The following EDNRB variants were observed in gnomAD, a reference collection of about 807,000 sequenced individuals.
The protein encoded by EDNRB is Hirschsprung disease 2.
EDNRB carries 18 observed loss-of-function variants against 46.4 expected under a neutral mutation model. The observed-to-expected ratio is 0.39, with a 90% CI of 0.27 to 0.57. The LOEUF is 0.57. Among genes scored for constraint, EDNRB ranks in the 20% least tolerant of loss-of-function variants. The probability of loss-of-function intolerance (pLI) is 0.61; values close to 1 mark genes in which losing one functional copy is unlikely to be tolerated. For missense variants in EDNRB, 434 were observed against 537.5 expected, an observed-to-expected ratio of 0.81 and a Z score of 1.90; for synonymous variants, 213 against 204.9, an observed-to-expected ratio of 1.04 and a Z score of -0.34.
chr13:77,924,042 A>T (rs539685945), upstream of EDNRB, among the ~76,000 whole-genome samples: 2 of 152,346 alleles, frequency 1.3e-5, no homozygotes, highest in East Asian at 1.9e-4. Context: ...AGGGGAATAG[A>T]ACTATTTGTA....
At chr13:77,955,689 T>A (rs536312122) in intron 1 of EDNRB, among the ~76,000 whole-genome samples, 24 of 152,304 alleles carry the variant, frequency 1.6e-4, no homozygotes, top group African/African-American at 5.8e-4. Flanking sequence ...CTTTTGCTTG[T>A]AAATAACCAG....
intron 1 of EDNRB, among the ~76,000 whole-genome samples, chr13:77,943,779 T>C (rs1223388480): frequency 6.6e-6 from 1 of 152,116 alleles, no homozygotes; most frequent in African/African-American, 2.4e-5. Context: ...ACTTCAGCAA[T>C]CAGAAATATA....
chr13:77,944,696 A>G (rs1880853445), intron 1 of EDNRB: 3 of 152,152 alleles, frequency 2.0e-5, no homozygotes, highest in Admixed American at 1.3e-4. Flanking sequence ...AAAAAAATGA[A>G]CAGGATTTCT....
At chr13:77,919,574 G>T, upstream of EDNRB, 1 of 1,611,980 alleles carries the variant, frequency 6.2e-7, no homozygotes. Flanking sequence ...TCCACCGTTT[G>T]CTCGGGGTCT....
rs1180581930 is a variant in EDNRB, at chr13:77,918,246, G to C, written c.328C>G (p.Leu110Val). The C allele has an allele frequency of 6.2e-7, 1 of 1,613,994 alleles. No homozygotes were observed. Among genetic ancestry groups the C allele is most frequent in the Non-Finnish European group, 8.5e-7 (1 of 1,180,040 alleles). Residue 110 changes from leucine to valine, a missense_variant, in exon 1 of 7, where the codon CTT becomes GTT. By Grantham distance (32) the Leu-to-Val change is conservative (BLOSUM62 1). Coordinates refer to ENST00000646607, the MANE Select transcript of EDNRB (RefSeq NM_001122659.3). This position sits in a 1 kb window ranked among gnomAD's most constrained non-coding sequence, Gnocchi z 4.5. ...CCGATGATCCCCAGCACGAACACAA[G>C]GCAGGACACAACCGTGTTGATGTAT... ...FKYINTVVSC[L>V]VFVLGIIGNS... is the part of the protein sequence containing the mutation.
At chr13:77,924,357 A>T (rs1004016706), upstream of EDNRB, among the ~76,000 whole-genome samples, 5 of 152,298 alleles carry the variant, frequency 3.3e-5, no homozygotes, top group African/African-American at 1.2e-4. Flanking sequence ...TTACTCACAG[A>T]ATCTCATGGG....
intron 1 of EDNRB, among the ~76,000 whole-genome samples, chr13:77,909,186 T>C (rs2137624363): frequency 6.6e-6 from 1 of 152,182 alleles, no homozygotes; most frequent in African/African-American, 2.4e-5. Flanking sequence ...ACCGTGATTT[T>C]ATAACTTTAC....
At chr13:77,908,043 A>AAAAAAAAAGAGAG (rs4052535) in intron 1 of EDNRB, among the ~76,000 whole-genome samples, 1 of 72,448 alleles carries the variant, frequency 1.4e-5, no homozygotes, top group African/African-American at 6.0e-5. Context: ...AAAAAAAAAA[A>AAAAAAAAAGAGAG]AGAGAGAGAG....
In EDNRB at chr13:77,897,782, G is replaced by A. The variant is rs1478596002; in HGVS notation, c.*418C>T. ...TAAAATTTTAAATTGAGTAATTTAA[G>A]CTTCATTTAAAAGTTCTGTTTTACA... On this transcript the variant is annotated 3_prime_UTR_variant, in exon 7 of 7. Transcript: ENST00000646607. 1.0e-6 allele frequency: 1 copy of A among 986,332 alleles called. No individual in the cohort carries two copies. Among genetic ancestry groups the A allele is most frequent in the Non-Finnish European group, 1.2e-6 (1 of 828,700 alleles). The allele number at this position is 986,332 out of a possible 1,614,324, so 61.1% of individuals were successfully genotyped here. A position where few individuals can be genotyped will look rare whatever the true frequency, so the allele number is the denominator to read the frequency against.
At position 77,901,138 on chromosome 13, in the gene EDNRB, A is replaced by G. The variant is rs1280369607; in HGVS notation, c.871T>C (p.Phe291Leu). The change falls in exon 4 of 7, where the codon TTT (phenylalanine) becomes CTT (leucine). Residue 291 changes from phenylalanine to leucine, a missense_variant. By Grantham distance (22) the Phe-to-Leu change is conservative. Transcript: ENST00000646607. ...TCACAGGTCATTAGTGTATAAAAAA[A>G]TGCAGTGATGGCCAATGGCAAGCAG... ...YFCLPLAITA[F>L]FYTLMTCEML... 2 of 1,611,622 alleles carry G rather than the reference A, an allele frequency of 1.2e-6. No homozygotes were observed. The highest frequency in any genetic ancestry group is 4.5e-5 in the East Asian group (2 of 44,700).
rs200041330 is a variant in EDNRB, at chr13:77,898,044, T to C, written c.*156A>G. On this transcript the variant is annotated 3_prime_UTR_variant, in exon 7 of 7. Transcript: ENST00000646607. ...GCCGTAAACAGCTCATAAAATGTCA[T>C]ATGTAGCTGTGAGTGTTAAAATAAT... The C allele has an allele frequency of 2.9e-5, 41 of 1,438,526 alleles. No homozygotes were observed. The highest frequency in any genetic ancestry group is 3.6e-5 in the Non-Finnish European group (40 of 1,098,928). The allele number at this position is 1,438,526 out of a possible 1,614,324, so 89.1% of individuals were successfully genotyped here.
chr13:77,974,464 T>G (rs1429729447), intron 1 of EDNRB, among the ~76,000 whole-genome samples: 2 of 152,194 alleles, frequency 1.3e-5, no homozygotes, highest in Non-Finnish European at 2.9e-5. Flanking sequence ...CAAAGTAGTA[T>G]TGGAGTGTTA....
intron 1 of EDNRB, among the ~76,000 whole-genome samples, chr13:77,963,612 A>C (rs2137687523): frequency 6.6e-6 from 1 of 152,302 alleles, no homozygotes; most frequent in Non-Finnish European, 1.5e-5. Context: ...CTTATACAAA[A>C]ATTAATTCAA....
chr13:77,897,371 G>T lies in EDNRB; in HGVS notation c.*829C>A, dbSNP rs1003141954. The T allele has an allele frequency of 1.0e-6, 1 of 985,070 alleles. No individual in the cohort carries two copies. Among genetic ancestry groups the T allele is most frequent in the Admixed American group, 6.2e-5 (1 of 16,232 alleles). 61.0% of individuals were successfully genotyped at this position (985,070 alleles called of 1,614,324 possible). On this transcript the variant is annotated 3_prime_UTR_variant, in exon 7 of 7. Transcript: ENST00000646607. The stretch of plus-strand genomic sequence containing the variant: ...TATTGTCTTCACAGGGTATGTGAAT[G>T]ACAGATTCAAAAAAGTCTTTTGGGA...
At chr13:77,974,236 CTTTTTTGA>C (rs1029435722) in intron 1 of EDNRB, among the ~76,000 whole-genome samples, 12 of 151,914 alleles carry the variant, frequency 7.9e-5, no homozygotes, top group African/African-American at 2.7e-4. Context: ...TACTTTTTTG[CTTTTTTGA>C]TTTAGGATAT....
At chr13:77,906,515 G>C (rs566472159) in intron 1 of EDNRB, among the ~76,000 whole-genome samples, 1 of 152,108 alleles carries the variant, frequency 6.6e-6, no homozygotes, top group East Asian at 1.9e-4. Flanking sequence ...TAAAGAACTG[G>C]CTTCCTCTCT....
Position 77,918,778 on chromosome 13 carries a change from ACTC to A in EDNRB, c.-208_-206del, listed in dbSNP as rs1879955390. ...GCCAGTGGGAAACTTGGCGCTCATG[ACTC>A]GCCAGCGCGGGTCGAAACTCCTTCC... On this transcript the variant is annotated 5_prime_UTR_variant, in exon 1 of 7. Coordinates refer to ENST00000646607, the MANE Select transcript of EDNRB (RefSeq NM_001122659.3). This position sits in a 1 kb window ranked among gnomAD's most constrained non-coding sequence, Gnocchi z 4.5. The A allele has an allele frequency of 7.6e-7, 1 of 1,323,884 alleles. No individual in the cohort carries two copies. Among genetic ancestry groups the A allele is most frequent in the African/African-American group, 1.5e-5 (1 of 65,966 alleles). 82.0% of individuals were successfully genotyped at this position (1,323,884 alleles called of 1,614,324 possible).
At chr13:77,958,725 A>G (rs1881313003) in intron 1 of EDNRB, among the ~76,000 whole-genome samples, 2 of 152,196 alleles carry the variant, frequency 1.3e-5, no homozygotes, top group Admixed American at 6.5e-5. Context: ...CTTTATATTA[A>G]TGAGACTAAA....
intron 1 of EDNRB, among the ~76,000 whole-genome samples, chr13:77,936,375 T>A (rs957127624): frequency 1.3e-5 from 2 of 151,458 alleles, no homozygotes; most frequent in Non-Finnish European, 2.9e-5. Context: ...GGCACCAGAG[T>A]TGGGGAGTTT....
Sources: gnomAD v4.1 joint callset for allele counts (sites outside exome capture counted in the v4.1 genomes callset) on GRCh38, gnomAD v4.1.1 for gene constraint, Gnocchi (gnomAD v3.1) non-coding constraint, MANE v1.5 for transcripts, NCBI Gene and HGNC (gene_info 2026-07-23, HGNC 2026-07-21) for gene names.